The following FAM110B variants were observed in gnomAD, a reference collection of about 807,000 sequenced individuals.
FAM110B encodes the protein family with sequence similarity 110 member B, also known as protein FAM110B.
FAM110B carries 6 observed loss-of-function variants against 20.4 expected under a neutral mutation model. That is an observed-to-expected ratio of 0.29 (90% confidence interval 0.16 to 0.58). The LOEUF (loss-of-function observed/expected upper bound fraction) is 0.58. FAM110B is among the 20% of genes least tolerant of loss of function. The pLI is 0.90. For missense variants in FAM110B, 434 were observed against 498.2 expected (o/e 0.87, Z 1.23); for synonymous variants, 226 against 214.1 (o/e 1.06, Z -0.49).
chr8:58,096,702 G>A (rs753938923), intron 3 of FAM110B, among the ~76,000 whole-genome samples: 4 of 152,134 alleles, frequency 2.6e-5, no homozygotes, highest in Non-Finnish European at 5.9e-5. Flanking sequence ...TCCATGTTTA[G>A]TGCTTCCTTC....
chr8:58,131,731 A>G (rs1563380811), intron 3 of FAM110B, among the ~76,000 whole-genome samples: 2 of 152,224 alleles, frequency 1.3e-5, no homozygotes, highest in African/African-American at 2.4e-5. Flanking sequence ...TGAGCTCCAC[A>G]TAGTGTTTAT....
rs146096213 is a variant in FAM110B at position 58,036,063 on chromosome 8, G to C, written c.-414+4360G>C. On this transcript the variant is annotated intron_variant, in intron 2 of 3. Transcript: ENST00000519262. ...CTACACTTGCTGTTTCTGCAGTGGT[G>C]ACTTGTATTCCTGTAGACCCTTATA... Among the ~76,000 whole-genome samples, 938 of 152,256 alleles carry C rather than the reference G, an allele frequency of 6.2e-3. 11 individuals carry two copies. The highest frequency in any genetic ancestry group is 0.021 in the African/African-American group (862 of 41,546).
At position 58,112,756 on chromosome 8, in the gene FAM110B, G is replaced by A. The variant is rs7842189; in HGVS notation, c.-324-33151G>A. 6.3e-3 allele frequency among the ~76,000 whole-genome samples: 952 copies of A among 152,308 alleles called. 11 individuals are homozygous for A. Among genetic ancestry groups the A allele is most frequent in the African/African-American group, 0.021 (868 of 41,572 alleles). ...TTCTTAAGATTCCCAAAGGAAATAT[G>A]TCTGGTTTTATGTTTTTAAGGGATC... On this transcript the variant is annotated intron_variant, in intron 3 of 3. Coordinates refer to ENST00000519262, the MANE Select transcript of FAM110B (RefSeq NM_001377989.1).
At chr8:58,071,331 A>G (rs376283845) in intron 2 of FAM110B, among the ~76,000 whole-genome samples, 223 of 152,312 alleles carry the variant, frequency 1.5e-3, no homozygotes, top group African/African-American at 5.1e-3. Context: ...AAACTTAAAA[A>G]TTGATGTCCT....
In FAM110B at chr8:58,147,050, G is replaced by A. The variant is rs781565308; in HGVS notation, c.820G>A (p.Val274Met). The A allele has an allele frequency of 5.0e-6, 8 of 1,614,222 alleles. No homozygotes were observed. Among genetic ancestry groups the A allele is most frequent in the Non-Finnish European group, 5.1e-6 (6 of 1,180,036 alleles). The change falls in exon 4 of 4, where the codon GTG becomes ATG. Residue 274 changes from valine (V) to methionine (M), a missense_variant. Coordinates refer to ENST00000519262, the MANE Select transcript of FAM110B (RefSeq NM_001377989.1). ...SDRYFRVDADVERFFNYCGLD... is the reference protein window; with the variant it reads ...SDRYFRVDADMERFFNYCGLD... Reference sequence around the variant, plus strand: ...CAGATATTTCCGAGTGGACGCGGACGTGGAGAGGTTCTTCAACTACTGTGG... The same window carrying A: ...CAGATATTTCCGAGTGGACGCGGACATGGAGAGGTTCTTCAACTACTGTGG...
intron 1 of FAM110B, among the ~76,000 whole-genome samples, chr8:58,006,749 C>T (rs373467599): frequency 2.0e-5 from 3 of 151,132 alleles, no homozygotes; most frequent in Admixed American, 6.6e-5. Flanking sequence ...ATTACAAGCA[C>T]GTGCCACCGC....
chr8:58,125,308 A>C (rs558045911), intron 3 of FAM110B, among the ~76,000 whole-genome samples: 1 of 152,346 alleles, frequency 6.6e-6, no homozygotes, highest in African/African-American at 2.4e-5. Context: ...TGGTCCCGCC[A>C]GTGCACTCCA....
intron 3 of FAM110B, chr8:58,091,692 G>T (rs1398546512): frequency 1.3e-5 from 2 of 152,100 alleles, no homozygotes; most frequent in African/African-American, 4.8e-5. Context: ...CCCCCATTCA[G>T]CATTCTTATA....
At position 58,059,321 on chromosome 8, in the gene FAM110B, A is replaced by G. The variant is rs1162967962; in HGVS notation, c.-413-16214A>G. Among the ~76,000 whole-genome samples the G allele has an allele frequency of 7.9e-5, 12 of 152,336 alleles. 1 individual carries two copies. The South Asian group carries it at 2.1e-3, about 26-fold the overall frequency. ...TGCCCATGATTGGAATTGCTAGGTC[A>G]TAGTGTAAGGGTTTGGGTAACTTTA... On this transcript the variant is annotated intron_variant, in intron 2 of 3. Transcript: ENST00000519262.
At chr8:58,112,137 A>G (rs998308133) in intron 3 of FAM110B, among the ~76,000 whole-genome samples, 17 of 152,112 alleles carry the variant, frequency 1.1e-4, no homozygotes, top group African/African-American at 3.6e-4. Flanking sequence ...TAGCCTGGCC[A>G]ACATATAGTG....
intron 3 of FAM110B, among the ~76,000 whole-genome samples, chr8:58,115,586 G>A (rs1191003144): frequency 6.6e-6 from 1 of 151,992 alleles, no homozygotes; most frequent in East Asian, 1.9e-4. Flanking sequence ...TAGAGATGGG[G>A]TTTCACCATG....
At chr8:58,072,091 C>G (rs892785659) in intron 2 of FAM110B, among the ~76,000 whole-genome samples, 1 of 152,238 alleles carries the variant, frequency 6.6e-6, no homozygotes, top group Non-Finnish European at 1.5e-5. Context: ...CTTGGACACT[C>G]ATTTTGGGAA....
intron 3 of FAM110B, among the ~76,000 whole-genome samples, chr8:58,118,437 G>A (rs558730952): frequency 5.9e-5 from 9 of 152,168 alleles, no homozygotes; most frequent in Non-Finnish European, 1.0e-4. Flanking sequence ...TTTGAAGGGG[G>A]TAGGGGAGAC....
chr8:58,069,661 AG>A (rs1360306475), intron 2 of FAM110B, among the ~76,000 whole-genome samples: 3 of 152,360 alleles, frequency 2.0e-5, no homozygotes, highest in East Asian at 1.9e-4. Context: ...TTTCCACTAT[AG>A]ATAGAAATTT....
chr8:58,095,650 TA>T (rs1420879533), intron 3 of FAM110B, among the ~76,000 whole-genome samples: 1 of 152,242 alleles, frequency 6.6e-6, no homozygotes, highest in Admixed American at 6.5e-5. Flanking sequence ...AGGAGTGTTT[TA>T]CTTCCAATTA....
At chr8:58,130,477 T>G (rs1803423139) in intron 3 of FAM110B, among the ~76,000 whole-genome samples, 1 of 152,182 alleles carries the variant, frequency 6.6e-6, no homozygotes, top group South Asian at 2.1e-4. Flanking sequence ...ACACCAGCCT[T>G]TCCTCCTTAT....
chr8:58,117,570 G>T (rs1807246273), intron 3 of FAM110B, among the ~76,000 whole-genome samples: 1 of 152,096 alleles, frequency 6.6e-6, no homozygotes, highest in African/African-American at 2.4e-5. Flanking sequence ...TAGAGCGAGG[G>T]TTTTCTTGGG....
intron 3 of FAM110B, among the ~76,000 whole-genome samples, chr8:58,077,695 G>A (rs1373376874): frequency 6.6e-6 from 1 of 152,186 alleles, no homozygotes; most frequent in East Asian, 1.9e-4. Flanking sequence ...ACAAGAAGGG[G>A]TAGGTCCCTC....
In FAM110B at chr8:58,146,001, G is replaced by A; in HGVS notation, c.-230G>A. 2.0e-6 allele frequency: 1 copy of A among 493,762 alleles called. No individual in the cohort carries two copies. Among genetic ancestry groups the A allele is most frequent in the Non-Finnish European group, 3.6e-6 (1 of 277,880 alleles). The allele number at this position is 493,762 out of a possible 1,614,324, so 30.6% of individuals were successfully genotyped here. On this transcript the variant is annotated 5_prime_UTR_variant, in exon 4 of 4. Coordinates refer to ENST00000519262, the MANE Select transcript of FAM110B (RefSeq NM_001377989.1). ...GCGAAGCAGATTAAAGGAACTTGTG[G>A]CTTGTGGCCTTTTTGTGCAAGGGCC...
Sources: allele counts gnomAD v4.1 joint callset (sites outside exome capture counted in the v4.1 genomes callset), GRCh38; gene constraint gnomAD v4.1.1; transcripts MANE v1.5; gene names NCBI Gene and HGNC (gene_info 2026-07-23, HGNC 2026-07-21).